The following SPTLC2 variants were observed in gnomAD, a reference collection of about 807,000 sequenced individuals.
SPTLC2 encodes serine palmitoyltransferase 2.
SPTLC2 carries 21 observed loss-of-function variants against 62.0 expected under a neutral mutation model. The ratio of observed to expected loss-of-function variants is 0.34; its 90% CI spans 0.24 to 0.49. SPTLC2 has a LOEUF of 0.49. Among genes scored for constraint, SPTLC2 ranks in the 20% least tolerant of loss-of-function variants. The pLI is 0.99. For synonymous variants in SPTLC2, 261 were observed against 261.8 expected, an observed-to-expected ratio of 1.00 and a Z score of 0.03; for missense variants, 511 against 713.0, an observed-to-expected ratio of 0.72 and a Z score of 3.23.
At chr14:77,542,762 T>G (rs2140010141) in intron 9 of SPTLC2, among the ~76,000 whole-genome samples, 1 of 152,278 alleles carries the variant, frequency 6.6e-6, no homozygotes, top group African/African-American at 2.4e-5. Flanking sequence ...AGTAAATTCC[T>G]CTTAAAAGCA....
intron 1 of SPTLC2, among the ~76,000 whole-genome samples, chr14:77,614,866 G>A (rs2079957446): frequency 6.7e-6 from 1 of 150,304 alleles, no homozygotes. Flanking sequence ...AGCTACTCGG[G>A]AGGCTGGGGC....
intron 1 of SPTLC2, among the ~76,000 whole-genome samples, chr14:77,599,873 C>T (rs991630402): frequency 3.9e-5 from 6 of 152,178 alleles, no homozygotes; most frequent in African/African-American, 9.7e-5. Context: ...GAAAAATTAA[C>T]ATTCTGATCA....
At chr14:77,603,810 A>T (rs2079890548) in intron 1 of SPTLC2, among the ~76,000 whole-genome samples, 1 of 152,230 alleles carries the variant, frequency 6.6e-6, no homozygotes, top group Non-Finnish European at 1.5e-5. Flanking sequence ...ATGTCTGCCC[A>T]GGAGTTATCA....
chr14:77,523,854 A>G (rs2079396437), intron 9 of SPTLC2, among the ~76,000 whole-genome samples: 1 of 152,200 alleles, frequency 6.6e-6, no homozygotes, highest in Admixed American at 6.5e-5. Flanking sequence ...CATTACCTAA[A>G]GGAAAACAAC....
At chr14:77,574,049 C>T (rs969798287) in intron 4 of SPTLC2, among the ~76,000 whole-genome samples, 7 of 152,162 alleles carry the variant, frequency 4.6e-5, no homozygotes, top group African/African-American at 1.4e-4. Flanking sequence ...TTCTCCAGAG[C>T]ATCAGACAGC....
intron 2 of SPTLC2, among the ~76,000 whole-genome samples, chr14:77,580,637 C>T (rs1330563292): frequency 6.0e-5 from 9 of 150,498 alleles, no homozygotes; most frequent in African/African-American, 9.8e-5. Context: ...GTGGAAGGAT[C>T]GCTTGTGGCC....
At chr14:77,537,077 C>A (rs534437720) in intron 9 of SPTLC2, among the ~76,000 whole-genome samples, 1 of 152,114 alleles carries the variant, frequency 6.6e-6, no homozygotes, top group African/African-American at 2.4e-5. Flanking sequence ...CACCTGCCAC[C>A]ACACCCAGCT....
intron 9 of SPTLC2, among the ~76,000 whole-genome samples, chr14:77,531,669 T>C (rs2079441862): frequency 6.6e-6 from 1 of 152,022 alleles, no homozygotes; most frequent in African/African-American, 2.4e-5. Context: ...AGTGCCACCA[T>C]GCCCGGCTAA....
At position 77,597,241 on chromosome 14, in the gene SPTLC2, A is replaced by G; in HGVS notation, c.272T>C (p.Leu91Ser). Reference sequence around the variant, plus strand: ...ACACTTTTCAATTCTCCAATACCTCAAGAAATCTCGAAGATATCCAAAGAG... The same window carrying G: ...ACACTTTTCAATTCTCCAATACCTCGAGAAATCTCGAAGATATCCAAAGAG... Reference protein sequence around the residue: ...LTLFGYLRDFLRYWRIEKCHH... With the variant: ...LTLFGYLRDFSRYWRIEKCHH... The change falls in exon 2 of 12, where the codon TTG becomes TCG. Residue 91 changes from leucine (L) to serine (S), a missense_variant. Physicochemically the swap from Leu to Ser is moderately radical, Grantham distance 145. Coordinates refer to ENST00000216484, the MANE Select transcript of SPTLC2 (RefSeq NM_004863.4). 6.2e-7 allele frequency: 1 copy of G among 1,614,192 alleles called. No homozygotes were observed. The highest frequency in any genetic ancestry group is 1.1e-5 in the South Asian group (1 of 91,080).
chr14:77,535,285 C>T (rs1005752819), intron 9 of SPTLC2, among the ~76,000 whole-genome samples: 1 of 152,144 alleles, frequency 6.6e-6, no homozygotes, highest in Admixed American at 6.5e-5. Context: ...CCAGCATATG[C>T]AAGAAATATG....
In SPTLC2 at chr14:77,555,539, T is replaced by C; in HGVS notation, c.957-20A>G. The stretch of plus-strand genomic sequence containing the variant: ...TCCATGCTGGCAAAACATGAAAAAA[T>C]ATATATATACACATATACACTGAGA... On this transcript the variant is annotated intron_variant, in intron 7 of 11. Transcript: ENST00000216484. The C allele has an allele frequency of 6.2e-7, 1 of 1,607,684 alleles. No homozygotes were observed. Among genetic ancestry groups the C allele is most frequent in the Non-Finnish European group, 8.5e-7 (1 of 1,174,928 alleles).
At chr14:77,555,226 C>T (rs1320004136) in intron 8 of SPTLC2, 74 bp downstream of exon 8, 1 of 1,586,758 alleles carries the variant, frequency 6.3e-7, no homozygotes, top group Non-Finnish European at 8.6e-7. Flanking sequence ...AGGGCCCCAT[C>T]TGCTAGGCCT....
chr14:77,518,691 G>C (rs1462252008), intron 10 of SPTLC2, among the ~76,000 whole-genome samples: 1 of 152,072 alleles, frequency 6.6e-6, no homozygotes, highest in Admixed American at 6.6e-5. Flanking sequence ...GAAATGTTAA[G>C]CTTGGCAGTT....
chr14:77,576,713 C>A (rs775738090), intron 4 of SPTLC2, 54 bp downstream of exon 4: 77 of 1,612,928 alleles, frequency 4.8e-5, no homozygotes, highest in Non-Finnish European at 5.9e-5. Flanking sequence ...ATTATTTGCC[C>A]CTGACTAAAA....
chr14:77,533,285 A>G (rs1259228243), intron 9 of SPTLC2, among the ~76,000 whole-genome samples: 2 of 144,546 alleles, frequency 1.4e-5, no homozygotes, highest in African/African-American at 2.6e-5. Flanking sequence ...GGGTGACAAG[A>G]GCGAAACTCC....
At chr14:77,596,337 CAAA>C (rs147299483) in intron 2 of SPTLC2, among the ~76,000 whole-genome samples, 1 of 125,902 alleles carries the variant, frequency 7.9e-6, no homozygotes, top group Non-Finnish European at 1.7e-5. Flanking sequence ...AGACTTGTCT[CAAA>C]AAAAAAAAAA....
intron 11 of SPTLC2, 146 bp from the exon 12 acceptor site, chr14:77,512,549 A>C: frequency 7.9e-7 from 1 of 1,257,932 alleles, no homozygotes; most frequent in Non-Finnish European, 1.1e-6. Flanking sequence ...AGACTACAAT[A>C]CAGCTGTGGA....
chr14:77,577,863 G>A (rs899430604), intron 3 of SPTLC2, among the ~76,000 whole-genome samples: 2 of 152,208 alleles, frequency 1.3e-5, no homozygotes, highest in African/African-American at 4.8e-5. Flanking sequence ...TGGTGCCACT[G>A]CACTCCAGCC....
intron 2 of SPTLC2, among the ~76,000 whole-genome samples, chr14:77,592,113 C>T (rs2079821230): frequency 6.6e-6 from 1 of 151,686 alleles, no homozygotes. Context: ...ACCAAAATGA[C>T]AGGTACCAGA....
Sources: allele counts gnomAD v4.1 joint callset (sites outside exome capture counted in the v4.1 genomes callset), GRCh38; gene constraint gnomAD v4.1.1; transcripts MANE v1.5; gene names NCBI Gene and HGNC (gene_info 2026-07-23, HGNC 2026-07-21).